MSRA: variants seen among roughly 807,000 people sequenced by gnomAD.
MSRA encodes the protein methionine sulfoxide reductase A, also known as mitochondrial peptide methionine sulfoxide reductase.
MSRA carries 54 observed loss-of-function variants against 31.3 expected under a neutral mutation model. That is an observed-to-expected ratio of 1.73 (90% CI 1.39 to 2.17). MSRA has a LOEUF of 2.17. MSRA is among the 30% of genes most tolerant of loss of function. The pLI, the probability that MSRA is intolerant of heterozygous loss-of-function variation, is 0.00. For missense variants in MSRA, 507 were observed against 300.9 expected, an observed-to-expected ratio of 1.69 and a Z score of -5.07; for synonymous variants, 169 against 116.5, an observed-to-expected ratio of 1.45 and a Z score of -2.90.
intron 5 of MSRA, among the ~76,000 whole-genome samples, chr8:10,329,719 G>T (rs1012814574): frequency 1.3e-5 from 2 of 152,000 alleles, no homozygotes; most frequent in South Asian, 4.2e-4. Context: ...CTGCTTAGGA[G>T]AGGTGGGCGT....
chr8:10,413,531 G>A (rs577088025), intron 5 of MSRA, among the ~76,000 whole-genome samples: 3 of 151,880 alleles, frequency 2.0e-5, no homozygotes, highest in Non-Finnish European at 4.4e-5. Context: ...GACGGTATCC[G>A]TTACTAAACA....
intron 1 of MSRA, among the ~76,000 whole-genome samples, chr8:10,099,375 A>G (rs2128931834): frequency 6.6e-6 from 1 of 152,312 alleles, no homozygotes; most frequent in East Asian, 1.9e-4. Flanking sequence ...GCTCTGTGCC[A>G]GGCAAAAGAT....
At chr8:10,371,130 G>C (rs909657864) in intron 5 of MSRA, among the ~76,000 whole-genome samples, 1 of 152,202 alleles carries the variant, frequency 6.6e-6, no homozygotes, top group South Asian at 2.1e-4. Flanking sequence ...TGTCATGATA[G>C]ATGATTAGGG....
At chr8:10,281,083 G>A (rs967205662) in intron 3 of MSRA, among the ~76,000 whole-genome samples, 3 of 152,050 alleles carry the variant, frequency 2.0e-5, no homozygotes, top group African/African-American at 7.3e-5. Context: ...ATTGATTGTG[G>A]TAATGATTAC....
rs546956006 is a variant in MSRA, at chr8:10,324,242, T to C, written c.543+4253T>C. ...CTGAGGAACTGAATCTTTTAATTAA[T>C]TTACATTTATATTTAAGTGGCCACA... is the stretch of plus-strand genomic sequence containing the variant. On this transcript the variant is annotated intron_variant, in intron 5 of 5. Coordinates refer to ENST00000317173, the MANE Select transcript of MSRA (RefSeq NM_012331.5). Among the ~76,000 whole-genome samples the C allele has an allele frequency of 2.0e-4, 30 of 152,304 alleles. No individual in the cohort carries two copies. In the South Asian group the frequency reaches 5.2e-3, roughly 26 times the overall value.
chr8:10,399,563 C>T (rs549297754), intron 5 of MSRA, among the ~76,000 whole-genome samples: 2 of 152,324 alleles, frequency 1.3e-5, no homozygotes, highest in East Asian at 1.9e-4. Flanking sequence ...TGAGGCCTCA[C>T]CAGAAGCCGA....
At chr8:10,118,339 A>T (rs1007951230) in intron 1 of MSRA, among the ~76,000 whole-genome samples, 1 of 152,160 alleles carries the variant, frequency 6.6e-6, no homozygotes, top group African/African-American at 2.4e-5. Flanking sequence ...GGGAAGTGCT[A>T]TGGGGAAGCA....
chr8:10,414,810 C>A (rs190223818), intron 5 of MSRA, among the ~76,000 whole-genome samples: 1 of 152,158 alleles, frequency 6.6e-6, no homozygotes, highest in Non-Finnish European at 1.5e-5. Context: ...GTACTAAATG[C>A]TAAGCATATA....
intron 3 of MSRA, among the ~76,000 whole-genome samples, chr8:10,269,959 C>T (rs529138464): frequency 9.8e-5 from 15 of 152,330 alleles, no homozygotes; most frequent in African/African-American, 3.6e-4. Context: ...CCTGCTACCG[C>T]TTACTCTCTC....
At chr8:10,079,205 C>T (rs1798155281) in intron 1 of MSRA, among the ~76,000 whole-genome samples, 1 of 152,094 alleles carries the variant, frequency 6.6e-6, no homozygotes, top group South Asian at 2.1e-4. Context: ...GTGGGCCAGG[C>T]TGGAGTGCAG....
chr8:10,324,782 G>T (rs1802267402), intron 5 of MSRA, among the ~76,000 whole-genome samples: 1 of 152,302 alleles, frequency 6.6e-6, no homozygotes, highest in South Asian at 2.1e-4. Context: ...CCCCATACAA[G>T]TTAGCCCCTG....
chr8:10,150,643 A>G (rs1181139279), intron 1 of MSRA, among the ~76,000 whole-genome samples: 1 of 152,112 alleles, frequency 6.6e-6, no homozygotes, highest in Admixed American at 6.5e-5. Flanking sequence ...GCCTCGTTTG[A>G]TTGACAGATA....
At chr8:10,216,707 A>G (rs992290058) in intron 2 of MSRA, among the ~76,000 whole-genome samples, 2 of 152,208 alleles carry the variant, frequency 1.3e-5, no homozygotes, top group African/African-American at 4.8e-5. Flanking sequence ...TCTACTTCGC[A>G]TAATGTCTTC....
intron 2 of MSRA, among the ~76,000 whole-genome samples, chr8:10,239,221 G>C (rs1042748913): frequency 6.6e-6 from 1 of 152,024 alleles, no homozygotes; most frequent in African/African-American, 2.4e-5. Context: ...GAGTGCAGTG[G>C]TGCAATCTCG....
In MSRA at chr8:10,238,733, C is replaced by T. The variant is rs1360721439; in HGVS notation, c.212-6371C>T. Among the ~76,000 whole-genome samples, 4 of 152,076 alleles carry T rather than the reference C, an allele frequency of 2.6e-5. No individual in the cohort carries two copies. The East Asian group carries it at 7.7e-4, about 29-fold the overall frequency. ...TATGGAAAAAAGTAAACTGAATCCC[C>T]ACCTCACCCCCTACATAAAAATTAT... is the stretch of plus-strand genomic sequence containing the variant. On this transcript the variant is annotated intron_variant, in intron 2 of 5. Coordinates refer to ENST00000317173, the MANE Select transcript of MSRA (RefSeq NM_012331.5).
intron 1 of MSRA, among the ~76,000 whole-genome samples, chr8:10,064,295 G>T (rs1347677314): frequency 1.3e-5 from 2 of 152,036 alleles, no homozygotes; most frequent in Non-Finnish European, 2.9e-5. Context: ...GTGTCCTCTG[G>T]GTCAGCTGGT....
chr8:10,218,873 G>C (rs1229539504), intron 2 of MSRA, among the ~76,000 whole-genome samples: 3 of 152,234 alleles, frequency 2.0e-5, no homozygotes, highest in African/African-American at 4.8e-5. Context: ...CCACAGTACA[G>C]ATTGCTGCAA....
intron 2 of MSRA, among the ~76,000 whole-genome samples, chr8:10,213,717 C>T (rs376767758): frequency 6.6e-6 from 1 of 152,032 alleles, no homozygotes; most frequent in Non-Finnish European, 1.5e-5. Flanking sequence ...TTTTCTTTGC[C>T]ATTCTTCTGT....
At chr8:10,357,129 TACAC>T (rs1229947618) in intron 5 of MSRA, among the ~76,000 whole-genome samples, 1 of 152,224 alleles carries the variant, frequency 6.6e-6, no homozygotes, top group Non-Finnish European at 1.5e-5. Context: ...TCGGCAAACC[TACAC>T]CATGTGGTTT....
Sources: gnomAD v4.1 joint callset for allele counts (sites outside exome capture counted in the v4.1 genomes callset) on GRCh38, gnomAD v4.1.1 for gene constraint, MANE v1.5 for transcripts, NCBI Gene and HGNC (gene_info 2026-07-23, HGNC 2026-07-21) for gene names.